CSMD1: variants seen among roughly 807,000 people sequenced by gnomAD.
CSMD1 encodes the protein CUB and Sushi multiple domains 1, also known as CUB and sushi domain-containing protein 1.
CSMD1 carries 213 observed loss-of-function variants against 417.5 expected under a neutral mutation model. That is an observed-to-expected ratio of 0.51 (90% CI 0.46 to 0.57). CSMD1 has a LOEUF of 0.57. Among genes scored for constraint, CSMD1 ranks in the 20% least tolerant of loss-of-function variants. The probability of loss-of-function intolerance (pLI) is 0.00; values close to 1 mark genes in which losing one functional copy is unlikely to be tolerated. For synonymous variants in CSMD1, 2,862 were observed against 1,736.8 expected, an observed-to-expected ratio of 1.65 and a Z score of -16.11; for missense variants, 6,923 against 4,529.7, an observed-to-expected ratio of 1.53 and a Z score of -15.17.
At chr8:4,201,433 G>C (rs1255778848) in intron 3 of CSMD1, among the ~76,000 whole-genome samples, 1 of 150,796 alleles carries the variant, frequency 6.6e-6, no homozygotes, top group Non-Finnish European at 1.5e-5. Flanking sequence ...AGCTACTCAG[G>C]AGGCTGAGGC....
chr8:4,073,599 T>C (rs1190782373), intron 3 of CSMD1, among the ~76,000 whole-genome samples: 1 of 152,130 alleles, frequency 6.6e-6, no homozygotes, highest in African/African-American at 2.4e-5. Flanking sequence ...TTTTCAGTAT[T>C]GAGATAAATA....
At chr8:4,510,389 C>CAA (rs1563243981) in intron 2 of CSMD1, among the ~76,000 whole-genome samples, 1 of 10,960 alleles carries the variant, frequency 9.1e-5, no homozygotes, top group African/African-American at 4.1e-4. Context: ...AGCATAATGC[C>CAA]TAAAAAAAAA....
intron 7 of CSMD1, among the ~76,000 whole-genome samples, chr8:3,669,131 A>G (rs1798854694): frequency 6.6e-6 from 1 of 152,214 alleles, no homozygotes; most frequent in Non-Finnish European, 1.5e-5. Flanking sequence ...ATTATCCCTC[A>G]AGGGCAGAAT....
intron 5 of CSMD1, among the ~76,000 whole-genome samples, chr8:3,841,608 G>A (rs1320229057): frequency 6.6e-6 from 1 of 151,878 alleles, no homozygotes; most frequent in South Asian, 2.1e-4. Context: ...AAGGATTTTA[G>A]AACTGGATCC....
intron 3 of CSMD1, among the ~76,000 whole-genome samples, chr8:4,087,229 C>G (rs953005670): frequency 6.6e-6 from 1 of 152,170 alleles, no homozygotes; most frequent in Non-Finnish European, 1.5e-5. Flanking sequence ...TCCCAAGGAA[C>G]GGCTAAGTCC....
At chr8:4,476,850 G>T (rs192897987) in intron 2 of CSMD1, among the ~76,000 whole-genome samples, 5 of 152,248 alleles carry the variant, frequency 3.3e-5, no homozygotes, top group Admixed American at 6.5e-5. Flanking sequence ...TACGAAAAAA[G>T]CTTCAGTCAA....
chr8:3,959,016 T>G (rs914051439), intron 5 of CSMD1, among the ~76,000 whole-genome samples: 12 of 152,164 alleles, frequency 7.9e-5, no homozygotes, highest in African/African-American at 9.6e-5. Flanking sequence ...CTCCCTACTC[T>G]GCGGCGGCTT....
At chr8:3,588,117 C>G (rs914169057) in intron 8 of CSMD1, among the ~76,000 whole-genome samples, 1 of 150,010 alleles carries the variant, frequency 6.7e-6, no homozygotes. Flanking sequence ...GTTTTCTATT[C>G]CAGGTATCAG....
intron 25 of CSMD1, among the ~76,000 whole-genome samples, chr8:3,297,402 G>C (rs1804047474): frequency 6.6e-6 from 1 of 152,144 alleles, no homozygotes; most frequent in Non-Finnish European, 1.5e-5. Context: ...GCTAGATTAT[G>C]ATACTGGGTA....
rs73661008 is a variant in CSMD1, at chr8:3,856,796, C to T, written c.819-102754G>A. 8.2e-3 allele frequency among the ~76,000 whole-genome samples: 1,254 copies of T among 152,228 alleles called. 17 individuals carry two copies. Among genetic ancestry groups the T allele is most frequent in the African/African-American group, 0.029 (1,185 of 41,554 alleles). On this transcript the variant is annotated intron_variant, in intron 5 of 69. Transcript: ENST00000635120. ...AAGGAGACTGAGCATATTACAGATACAGGCTACTCCCTCAGGCTGGGGCCC... is the reference window on the plus strand; with the variant it reads ...AAGGAGACTGAGCATATTACAGATATAGGCTACTCCCTCAGGCTGGGGCCC...
chr8:3,871,610 A>C (rs1244357850), intron 5 of CSMD1, among the ~76,000 whole-genome samples: 1 of 152,202 alleles, frequency 6.6e-6, no homozygotes. Flanking sequence ...CTTCAAATTC[A>C]GATTATACAG....
chr8:3,609,063 G>A (rs140975584), intron 8 of CSMD1, among the ~76,000 whole-genome samples: 2 of 152,176 alleles, frequency 1.3e-5, no homozygotes, highest in Non-Finnish European at 2.9e-5. Context: ...ATAATTATCT[G>A]TGTTACAAAC....
At chr8:4,579,521 C>T (rs974991114) in intron 2 of CSMD1, among the ~76,000 whole-genome samples, 1 of 151,948 alleles carries the variant, frequency 6.6e-6, no homozygotes, top group African/African-American at 2.4e-5. Flanking sequence ...CGCCACCACG[C>T]CCAGCTAATT....
chr8:4,438,535 CAT>C (rs1278807466), intron 2 of CSMD1, among the ~76,000 whole-genome samples: 2 of 152,336 alleles, frequency 1.3e-5, no homozygotes, highest in Non-Finnish European at 2.9e-5. Context: ...ACTCCTTTCA[CAT>C]GTTTTACTTT....
chr8:4,826,183 C>G (rs374763780), intron 1 of CSMD1, among the ~76,000 whole-genome samples: 1 of 151,828 alleles, frequency 6.6e-6, no homozygotes, highest in African/African-American at 2.4e-5. Context: ...ACATGAGTAC[C>G]CCAGTGTTCA....
At chr8:4,827,194 A>T (rs577431581) in intron 1 of CSMD1, among the ~76,000 whole-genome samples, 12 of 152,308 alleles carry the variant, frequency 7.9e-5, no homozygotes, top group African/African-American at 2.4e-4. Context: ...AATATAACTG[A>T]AAACCTCAGA....
chr8:3,284,482 T>C, intron 25 of CSMD1, 136 bp from the exon 26 acceptor site: 1 of 663,126 alleles, frequency 1.5e-6, no homozygotes, highest in Non-Finnish European at 2.6e-6. Context: ...TGTCTGACAA[T>C]GAAGGATGAG....
chr8:3,823,556 A>C (rs547370554), intron 5 of CSMD1, among the ~76,000 whole-genome samples: 1 of 152,178 alleles, frequency 6.6e-6, no homozygotes, highest in East Asian at 1.9e-4. Context: ...TAAAATAAAA[A>C]ATTTACAATT....
intron 4 of CSMD1, among the ~76,000 whole-genome samples, chr8:4,012,356 C>T (rs1816610034): frequency 6.6e-6 from 1 of 152,166 alleles, no homozygotes; most frequent in South Asian, 2.1e-4. Flanking sequence ...CTCTTCTCTT[C>T]CTAAATACAT....
Sources: allele counts gnomAD v4.1 joint callset (sites outside exome capture counted in the v4.1 genomes callset), GRCh38; gene constraint gnomAD v4.1.1; transcripts MANE v1.5; gene names NCBI Gene and HGNC (gene_info 2026-07-23, HGNC 2026-07-21).